PCDH15: variants seen among roughly 807,000 people sequenced by gnomAD.
PCDH15 encodes the protein protocadherin-15.
PCDH15 carries 129 observed loss-of-function variants against 178.5 expected under a neutral mutation model. The ratio of observed to expected loss-of-function variants is 0.72; its 90% CI spans 0.63 to 0.84. The LOEUF is 0.84. Among genes scored for constraint, PCDH15 ranks in the 40% least tolerant of loss-of-function variants. The probability of loss-of-function intolerance (pLI) is 0.00; values close to 1 mark genes in which losing one functional copy is unlikely to be tolerated. For missense variants in PCDH15, 2,230 were observed against 2,099.9 expected (o/e 1.06, Z -1.21); for synonymous variants, 800 against 732.0 (o/e 1.09, Z -1.50).
chr10:54,493,823 T>C (rs908731063), intron 3 of PCDH15, among the ~76,000 whole-genome samples: 13 of 151,936 alleles, frequency 8.6e-5, no homozygotes, highest in Non-Finnish European at 8.8e-5. Flanking sequence ...ATAGCAAAGA[T>C]TTGGAACCAA....
At chr10:53,926,042 A>T (rs1439075947) in intron 25 of PCDH15, among the ~76,000 whole-genome samples, 1 of 152,186 alleles carries the variant, frequency 6.6e-6, no homozygotes, top group South Asian at 2.1e-4. Context: ...GTCACCCAAG[A>T]TCAAAAGTAT....
At chr10:53,865,937 C>G (rs963281756) in intron 27 of PCDH15, among the ~76,000 whole-genome samples, 1 of 152,100 alleles carries the variant, frequency 6.6e-6, no homozygotes, top group Admixed American at 6.6e-5. Flanking sequence ...CTCCAAATAA[C>G]CCATGCTTTC....
chr10:55,110,181 G>A (rs1837464270), intron 2 of PCDH15, among the ~76,000 whole-genome samples: 1 of 151,876 alleles, frequency 6.6e-6, no homozygotes, highest in Admixed American at 6.6e-5. Context: ...GGGAATAAGG[G>A]CTGTATATGT....
chr10:55,092,233 A>C (rs1842336355), intron 2 of PCDH15, among the ~76,000 whole-genome samples: 1 of 151,886 alleles, frequency 6.6e-6, no homozygotes, highest in African/African-American at 2.4e-5. Context: ...CCTCTATATA[A>C]ACTCACCCTT....
chr10:55,241,785 T>C (rs1302008266), intron 1 of PCDH15, among the ~76,000 whole-genome samples: 2 of 152,148 alleles, frequency 1.3e-5, no homozygotes, highest in Non-Finnish European at 2.9e-5. Context: ...TCCTTCTACT[T>C]CATTTTCTTC....
intron 2 of PCDH15, among the ~76,000 whole-genome samples, chr10:54,955,116 T>C (rs1392899670): frequency 6.6e-6 from 1 of 151,250 alleles, no homozygotes; most frequent in Admixed American, 6.6e-5. Flanking sequence ...ATTCAGAAGC[T>C]TTCTTGGCAA....
chr10:54,020,563 G>A (rs1011895880), intron 19 of PCDH15, 147 bp from the exon 20 acceptor site: 16 of 791,292 alleles, frequency 2.0e-5, no homozygotes, highest in African/African-American at 3.5e-5. Flanking sequence ...TTTTAAAAAA[G>A]CACATTATTT....
At chr10:53,874,806 G>A (rs866282746) in intron 26 of PCDH15, among the ~76,000 whole-genome samples, 36 of 151,870 alleles carry the variant, frequency 2.4e-4, no homozygotes, top group African/African-American at 7.5e-4. Flanking sequence ...TGAATATAAA[G>A]CAAATATGGT....
chr10:54,971,291 G>C (rs987597284), intron 2 of PCDH15, among the ~76,000 whole-genome samples: 1 of 152,090 alleles, frequency 6.6e-6, no homozygotes, highest in Non-Finnish European at 1.5e-5. Flanking sequence ...TTGGATCAGG[G>C]CCACATGAAA....
chr10:54,518,802 G>A lies in PCDH15; in HGVS notation c.157+9010C>T, dbSNP rs373394472. On this transcript the variant is annotated intron_variant, in intron 3 of 37. Transcript: ENST00000644397. ...AATATCCTTGATGAACATTGATGCA[G>A]AAATCCTCAATAAAATACTGGCAAA... is the stretch of plus-strand genomic sequence containing the variant. Among the ~76,000 whole-genome samples, 9 of 152,110 alleles carry A rather than the reference G, an allele frequency of 5.9e-5. No homozygotes were observed. The South Asian group carries it at 6.2e-4, about 11-fold the overall frequency.
intron 3 of PCDH15, among the ~76,000 whole-genome samples, chr10:54,503,428 T>C (rs1375902110): frequency 2.0e-5 from 3 of 151,076 alleles, no homozygotes; most frequent in Admixed American, 6.7e-5. Context: ...GAGGCTATGG[T>C]AGTTGCTGTG....
chr10:55,263,866 C>G (rs1842210442), intron 1 of PCDH15, among the ~76,000 whole-genome samples: 1 of 152,122 alleles, frequency 6.6e-6, no homozygotes, highest in South Asian at 2.1e-4. Flanking sequence ...TCCCAAGTAG[C>G]TGGGACTACA....
At chr10:54,928,012 T>C (rs1837675302) in intron 2 of PCDH15, among the ~76,000 whole-genome samples, 1 of 152,178 alleles carries the variant, frequency 6.6e-6, no homozygotes, top group Non-Finnish European at 1.5e-5. Context: ...GACTTGTTTA[T>C]GTGGTTGCTT....
chr10:54,426,563 A>G (rs1296593748), intron 3 of PCDH15, among the ~76,000 whole-genome samples: 1 of 151,894 alleles, frequency 6.6e-6, no homozygotes, highest in Non-Finnish European at 1.5e-5. Flanking sequence ...GGGGGTTGGG[A>G]CCCCTGTTTT....
chr10:55,290,273 T>C (rs1315456880), intron 1 of PCDH15, among the ~76,000 whole-genome samples: 1 of 151,546 alleles, frequency 6.6e-6, no homozygotes, highest in Non-Finnish European at 1.5e-5. Flanking sequence ...TATATTCCTA[T>C]GTATGTATTA....
intron 1 of PCDH15, among the ~76,000 whole-genome samples, chr10:54,731,182 T>A (rs1011038261): frequency 1.3e-5 from 2 of 151,182 alleles, no homozygotes; most frequent in African/African-American, 4.8e-5. Context: ...ATCACTAGTC[T>A]TCAGTGAAAT....
At chr10:55,393,516 C>T (rs1158624960) in intron 2 of PCDH15, among the ~76,000 whole-genome samples, 1 of 152,142 alleles carries the variant, frequency 6.6e-6, no homozygotes, top group Non-Finnish European at 1.5e-5. Context: ...AAAACAGATG[C>T]TCTTTCATCA....
At position 55,395,196 on chromosome 10, in the gene PCDH15, T is replaced by TGTGA. The variant is rs1438872191; in HGVS notation, c.-155-228546_-155-228545insTCAC. ...GTGTGTGTGTGTGTGTGTGTGTGTG[T>TGTGA]GAGAGAGAGAGAGAGAGAGAGAGAG... On this transcript the variant is annotated intron_variant, in intron 2 of 5. Coordinates refer to the PCDH15 transcript ENST00000613346. Among the ~76,000 whole-genome samples, 263 of 126,698 alleles carry TGTGA rather than the reference T, an allele frequency of 2.1e-3. 2 individuals are homozygous for TGTGA. Among genetic ancestry groups the TGTGA allele is most frequent in the South Asian group, 4.1e-3 (16 of 3,856 alleles). 83.1% of individuals were successfully genotyped at this position (126,698 alleles called of 152,430 possible).
intron 1 of PCDH15, among the ~76,000 whole-genome samples, chr10:54,694,704 A>T (rs1383731793): frequency 6.6e-6 from 1 of 152,080 alleles, no homozygotes; most frequent in East Asian, 1.9e-4. Flanking sequence ...ATAGAAGATG[A>T]TAAACTTAAC....
Sources: gnomAD v4.1 joint callset for allele counts (sites outside exome capture counted in the v4.1 genomes callset) on GRCh38, gnomAD v4.1.1 for gene constraint, MANE v1.5 for transcripts, NCBI Gene and HGNC (gene_info 2026-07-23, HGNC 2026-07-21) for gene names.